CASD1: variants seen among roughly 807,000 people sequenced by gnomAD.
CASD1 encodes CAS1 domain sialic acid O acetyltransferase 1.
In CASD1, 41 loss-of-function variants were observed where a neutral mutation model predicts 100.0. The observed-to-expected ratio is 0.41, with a 90% CI of 0.32 to 0.53. CASD1 has a LOEUF of 0.53. CASD1 is among the 20% of genes least tolerant of loss of function. CASD1 has a pLI of 0.25. For synonymous variants in CASD1, 321 were observed against 315.6 expected (o/e 1.02, Z -0.18); for missense variants, 774 against 948.7 (o/e 0.82, Z 2.42).
chr7:94,619,063 C>G, the CASD1 span: 1 of 807,008 alleles, frequency 1.2e-6, no homozygotes, highest in African/African-American at 1.7e-5. Context: ...ATCCTGGCAG[C>G]AGGAAGCAAT....
the CASD1 span, among the ~76,000 whole-genome samples, chr7:94,564,403 C>T: frequency 6.6e-6 from 1 of 152,182 alleles, no homozygotes; most frequent in Non-Finnish European, 1.5e-5. Context: ...GCACTAATAC[C>T]TTCCATCACC....
chr7:94,604,404 G>C, the CASD1 span, among the ~76,000 whole-genome samples: 20 of 150,386 alleles, frequency 1.3e-4, no homozygotes, highest in Middle Eastern at 3.4e-3. Context: ...ATAGCACCCA[G>C]AATAGCCATA....
Position 94,538,947 on chromosome 7 carries a change from A to G in CASD1, c.1267-20A>G. ...TTCTTCATGATAAATTTTAAAACAG[A>G]TTTTGGTTCCTTTACACAGACTAAA... On this transcript the variant is annotated intron_variant, in intron 9 of 17. Transcript: ENST00000297273. 7.5e-7 allele frequency: 1 copy of G among 1,327,768 alleles called. No individual in the cohort carries two copies. Among genetic ancestry groups the G allele is most frequent in the Non-Finnish European group, 1.1e-6 (1 of 946,256 alleles). The allele number at this position is 1,327,768 out of a possible 1,614,324, so 82.2% of individuals were successfully genotyped here. A position where few individuals can be genotyped will look rare whatever the true frequency, so the allele number is the denominator to read the frequency against.
intron 10 of CASD1, among the ~76,000 whole-genome samples, chr7:94,540,825 A>G (rs1194603464): frequency 6.6e-6 from 1 of 152,168 alleles, no homozygotes; most frequent in Admixed American, 6.5e-5. Flanking sequence ...TTTTAAGAAA[A>G]TACCACTTAG....
At chr7:94,604,467 T>G in the CASD1 span, among the ~76,000 whole-genome samples, 1 of 151,180 alleles carries the variant, frequency 6.6e-6, no homozygotes, top group Non-Finnish European at 1.5e-5. Flanking sequence ...TTTGGAAAAC[T>G]CACAATTCCC....
chr7:94,584,563 C>A, the CASD1 span, among the ~76,000 whole-genome samples: 1 of 152,166 alleles, frequency 6.6e-6, no homozygotes, highest in Non-Finnish European at 1.5e-5. Context: ...GGGAATCTTT[C>A]TGGATTTTGG....
the CASD1 span, among the ~76,000 whole-genome samples, chr7:94,580,764 C>T: frequency 6.6e-6 from 1 of 152,220 alleles, no homozygotes; most frequent in Non-Finnish European, 1.5e-5. Context: ...TACCCTTTTG[C>T]TCATACTTGG....
At chr7:94,553,010 C>T in intron 16 of CASD1, 2 of 226,572 alleles carry the variant, frequency 8.8e-6, no homozygotes, top group Non-Finnish European at 9.0e-6. Context: ...GTTACCAAAT[C>T]AGACATAGTT....
rs1795077092 is a variant in CASD1, at chr7:94,535,539, A to G, written c.843+16A>G. The G allele has an allele frequency of 6.4e-7, 1 of 1,554,724 alleles. No individual in the cohort carries two copies. The highest frequency in any genetic ancestry group is 1.4e-5 in the African/African-American group (1 of 73,614). On this transcript the variant is annotated intron_variant, in intron 8 of 17. Coordinates refer to ENST00000297273, the MANE Select transcript of CASD1 (RefSeq NM_022900.5). ...CAGAGAAACTGTGAGAAATTTTTAC[A>G]TATGTCAGTAGATGGAGACTATAAT...
At chr7:94,615,311 A>T in the CASD1 span, among the ~76,000 whole-genome samples, 2 of 152,058 alleles carry the variant, frequency 1.3e-5, no homozygotes, top group Admixed American at 6.6e-5. Context: ...GTGAGTCGAG[A>T]TCCCACCACT....
At chr7:94,596,832 AT>A in the CASD1 span, among the ~76,000 whole-genome samples, 12 of 152,094 alleles carry the variant, frequency 7.9e-5, no homozygotes, top group African/African-American at 2.6e-4. Context: ...TGATCATTCC[AT>A]TTTTTTGAAG....
At chr7:94,568,368 GTATA>G in the CASD1 span, among the ~76,000 whole-genome samples, 1 of 152,190 alleles carries the variant, frequency 6.6e-6, no homozygotes, top group Non-Finnish European at 1.5e-5. Flanking sequence ...CATCATAAAA[GTATA>G]GAAAAAATAC....
chr7:94,549,907 A>G (rs1191691613), intron 14 of CASD1, among the ~76,000 whole-genome samples: 1 of 152,000 alleles, frequency 6.6e-6, no homozygotes, highest in Non-Finnish European at 1.5e-5. Context: ...TTTATAGGTG[A>G]CTTGTTGTAT....
chr7:94,576,399 G>C, the CASD1 span, among the ~76,000 whole-genome samples: 78 of 152,266 alleles, frequency 5.1e-4, 1 homozygote, highest in Non-Finnish European at 9.7e-4. Flanking sequence ...CCTCATATGA[G>C]TTTCTGTATG....
chr7:94,565,816 C>T, the CASD1 span, among the ~76,000 whole-genome samples: 1 of 152,136 alleles, frequency 6.6e-6, no homozygotes, highest in Non-Finnish European at 1.5e-5. Context: ...TCCCTAGAAG[C>T]AGACAGAATC....
chr7:94,572,709 C>G, the CASD1 span, among the ~76,000 whole-genome samples: 1 of 152,134 alleles, frequency 6.6e-6, no homozygotes, highest in South Asian at 2.1e-4. Flanking sequence ...GTTTCTTTTG[C>G]TGTGCAGAAG....
the CASD1 span, among the ~76,000 whole-genome samples, chr7:94,606,241 TTAAA>T: frequency 2.0e-3 from 301 of 152,208 alleles, no homozygotes; most frequent in Non-Finnish European, 3.4e-3. Flanking sequence ...AATATCTACT[TTAAA>T]TAGGAAGACA....
intron 10 of CASD1, among the ~76,000 whole-genome samples, chr7:94,543,846 A>C (rs1048348554): frequency 3.9e-5 from 6 of 152,146 alleles, no homozygotes; most frequent in African/African-American, 1.4e-4. Flanking sequence ...TTCAACTTAG[A>C]AGTAAAGATG....
the CASD1 span, among the ~76,000 whole-genome samples, chr7:94,607,191 A>G: frequency 6.6e-6 from 1 of 152,220 alleles, no homozygotes; most frequent in Non-Finnish European, 1.5e-5. Flanking sequence ...TCAGGTCCAG[A>G]TGGGTTCACT....
Sources: gnomAD v4.1 joint callset for allele counts (sites outside exome capture counted in the v4.1 genomes callset) on GRCh38, gnomAD v4.1.1 for gene constraint, MANE v1.5 for transcripts, NCBI Gene and HGNC (gene_info 2026-07-23, HGNC 2026-07-21) for gene names.